Variants in DYNC1I1 observed in about 807,000 individuals in gnomAD.
DYNC1I1 encodes the protein dynein cytoplasmic 1 intermediate chain 1.
Under a neutral mutation model 86.6 loss-of-function variants are expected in DYNC1I1, and 43 were observed. The ratio of observed to expected loss-of-function variants is 0.50; its 90% CI spans 0.39 to 0.64. The LOEUF (loss-of-function observed/expected upper bound fraction) is 0.64, where lower values mean the gene tolerates loss of function less well. Ranked by LOEUF, DYNC1I1 falls within the 30% of genes least tolerant of loss-of-function variation. DYNC1I1 has a pLI of 0.00. For synonymous variants in DYNC1I1, 262 were observed against 283.7 expected, an observed-to-expected ratio of 0.92 and a Z score of 0.77; for missense variants, 604 against 788.8, an observed-to-expected ratio of 0.77 and a Z score of 2.81.
At chr7:95,882,789 G>A (rs936805391) in intron 6 of DYNC1I1, among the ~76,000 whole-genome samples, 3 of 152,290 alleles carry the variant, frequency 2.0e-5, no homozygotes, top group South Asian at 2.1e-4. Context: ...GAGACAACAC[G>A]CTGAGGAAAT....
At chr7:95,880,360 C>T (rs910477849) in intron 6 of DYNC1I1, among the ~76,000 whole-genome samples, 7 of 152,134 alleles carry the variant, frequency 4.6e-5, no homozygotes, top group African/African-American at 1.7e-4. Context: ...GCATACTCCA[C>T]CCCCAGAGGA....
chr7:95,921,100 A>G lies in DYNC1I1; in HGVS notation c.490+51102A>G, dbSNP rs573689014. ...CTATGTTCATAAAACCAAGATTGTTATAGTCTTTATCGACATGACATTGTA... is the reference window on the plus strand; with the variant it reads ...CTATGTTCATAAAACCAAGATTGTTGTAGTCTTTATCGACATGACATTGTA... On this transcript the variant is annotated intron_variant, in intron 6 of 16. Transcript: ENST00000447467. 3.9e-5 allele frequency among the ~76,000 whole-genome samples: 6 copies of G among 152,326 alleles called. 1 individual carries two copies. The South Asian group carries it at 1.2e-3, about 32-fold the overall frequency.
chr7:95,997,583 T>TTGTGTGTGTGTGTG (rs34117329), intron 10 of DYNC1I1, among the ~76,000 whole-genome samples: 182 of 142,844 alleles, frequency 1.3e-3, no homozygotes, highest in East Asian at 0.011. Flanking sequence ...AAGGGCATTC[T>TTGTGTGTGTGTGTG]TGTGTGTGTG....
chr7:95,881,857 G>A (rs1233169663), intron 6 of DYNC1I1, among the ~76,000 whole-genome samples: 2 of 152,188 alleles, frequency 1.3e-5, no homozygotes, highest in Non-Finnish European at 2.9e-5. Flanking sequence ...ATAGTTCTCT[G>A]GATAATATTA....
chr7:96,040,904 G>A (rs745531417), intron 14 of DYNC1I1, among the ~76,000 whole-genome samples: 6 of 151,940 alleles, frequency 3.9e-5, no homozygotes, highest in Non-Finnish European at 5.9e-5. Context: ...TGTATTTTTA[G>A]TAGAGATGGG....
chr7:96,007,432 A>G (rs1291884490), intron 10 of DYNC1I1, among the ~76,000 whole-genome samples: 1 of 152,192 alleles, frequency 6.6e-6, no homozygotes, highest in East Asian at 1.9e-4. Context: ...TTCTAAAGCA[A>G]GGGAGGACAG....
chr7:96,073,839 C>T (rs774344088), intron 14 of DYNC1I1, among the ~76,000 whole-genome samples: 1 of 152,170 alleles, frequency 6.6e-6, no homozygotes. Flanking sequence ...ATTGAAGGTG[C>T]AGCCACTCCA....
chr7:96,089,568 C>A (rs889809063), intron 16 of DYNC1I1, among the ~76,000 whole-genome samples: 3 of 152,100 alleles, frequency 2.0e-5, no homozygotes, highest in Non-Finnish European at 4.4e-5. Flanking sequence ...CCCCCAATCT[C>A]TTTCCCAGTT....
Position 96,032,647 on chromosome 7 carries a change from C to G in DYNC1I1, c.1117-20C>G. 1 of 1,586,028 alleles carries G rather than the reference C, an allele frequency of 6.3e-7. No homozygotes were observed. ...TCCTCTTGGATCTGTCTCTGATCCT[C>G]TTTGTTTATGTTTTTGCAGCATCCC... On this transcript the variant is annotated intron_variant, in intron 11 of 16. Transcript: ENST00000447467.
chr7:96,050,021 C>CAAAAAAAAAA (rs1325932449), intron 14 of DYNC1I1, among the ~76,000 whole-genome samples: 11 of 132,396 alleles, frequency 8.3e-5, no homozygotes, highest in African/African-American at 3.4e-4. Context: ...GACTCCATCT[C>CAAAAAAAAAA]AAAAAAAACA....
intron 8 of DYNC1I1, among the ~76,000 whole-genome samples, chr7:95,986,246 A>G (rs1450538973): frequency 6.6e-6 from 1 of 152,208 alleles, no homozygotes; most frequent in Non-Finnish European, 1.5e-5. Context: ...AACAGAGGAA[A>G]GGTGGGTGTA....
chr7:95,927,088 C>CTGTTTACAGAT (rs1791766016), intron 6 of DYNC1I1, among the ~76,000 whole-genome samples: 3 of 152,022 alleles, frequency 2.0e-5, no homozygotes, highest in African/African-American at 7.3e-5. Flanking sequence ...TTTAATAATT[C>CTGTTTACAGAT]TGTTTACAGA....
At chr7:95,963,547 C>G (rs774411409) in intron 6 of DYNC1I1, among the ~76,000 whole-genome samples, 22 of 152,172 alleles carry the variant, frequency 1.4e-4, no homozygotes, top group Non-Finnish European at 2.4e-4. Context: ...ACTGCATGCT[C>G]TAACCACTAG....
chr7:95,791,931 G>A (rs1483522386), intron 1 of DYNC1I1, among the ~76,000 whole-genome samples: 1 of 152,154 alleles, frequency 6.6e-6, no homozygotes, highest in African/African-American at 2.4e-5. Flanking sequence ...GTTGCATAAT[G>A]AGGAAAAATT....
chr7:95,957,011 G>A (rs994649689), intron 6 of DYNC1I1, among the ~76,000 whole-genome samples: 5 of 152,194 alleles, frequency 3.3e-5, no homozygotes, highest in African/African-American at 1.2e-4. Flanking sequence ...GACATGCTGA[G>A]TTTAAACTTC....
intron 5 of DYNC1I1, among the ~76,000 whole-genome samples, chr7:95,839,348 C>G (rs1024339167): frequency 2.0e-5 from 3 of 152,092 alleles, no homozygotes; most frequent in Non-Finnish European, 4.4e-5. Flanking sequence ...TCTTTTTCTT[C>G]TATGTAACTT....
chr7:95,851,587 T>C (rs556512204), intron 5 of DYNC1I1, among the ~76,000 whole-genome samples: 22 of 152,318 alleles, frequency 1.4e-4, no homozygotes, highest in African/African-American at 4.8e-4. Flanking sequence ...GAATGGTCTT[T>C]ATAGTGTGCT....
chr7:96,016,296 CTT>C (rs1794400318), intron 10 of DYNC1I1, among the ~76,000 whole-genome samples: 1 of 149,748 alleles, frequency 6.7e-6, no homozygotes, highest in African/African-American at 2.5e-5. Flanking sequence ...TAGTAGAACA[CTT>C]TAGGTTTTTT....
chr7:95,933,426 G>C (rs902482474), intron 6 of DYNC1I1, among the ~76,000 whole-genome samples: 1 of 152,104 alleles, frequency 6.6e-6, no homozygotes, highest in Non-Finnish European at 1.5e-5. Flanking sequence ...TTTAGCCATT[G>C]ATGTGTCTCA....
Sources: allele counts gnomAD v4.1 joint callset (sites outside exome capture counted in the v4.1 genomes callset), GRCh38; gene constraint gnomAD v4.1.1; transcripts MANE v1.5; gene names NCBI Gene and HGNC (gene_info 2026-07-23, HGNC 2026-07-21).